Variants in ADGRL2 observed in about 807,000 individuals in gnomAD.
ADGRL2 encodes the protein calcium-independent alpha-latrotoxin receptor 2.
ADGRL2 carries 44 observed loss-of-function variants against 157.4 expected under a neutral mutation model. The observed-to-expected ratio is 0.28, with a 90% CI of 0.22 to 0.36. The LOEUF is 0.36. ADGRL2 is among the 10% of genes least tolerant of loss of function. ADGRL2 has a pLI of 1.00. For missense variants in ADGRL2, 1,510 were observed against 1,768.9 expected (o/e 0.85, Z 2.63); for synonymous variants, 585 against 624.7 (o/e 0.94, Z 0.95).
intron 1 of ADGRL2, chr1:81,426,845 G>A (rs549697501): frequency 1.8e-4 from 103 of 563,838 alleles, no homozygotes; most frequent in African/African-American, 1.6e-3. Context: ...AATTTCCTTG[G>A]TGGTATTAAA....
chr1:81,768,397 T>A (rs2086220487), intron 2 of ADGRL2, among the ~76,000 whole-genome samples: 1 of 152,166 alleles, frequency 6.6e-6, no homozygotes, highest in South Asian at 2.1e-4. Context: ...AAGTTTTAAT[T>A]TTCAATATTT....
In ADGRL2 at chr1:81,541,295, C is replaced by A. The variant is rs544008835; in HGVS notation, c.-247-39581C>A. ...TTCCTGTGCAAGAACCAGGATGCAA[C>A]CAATGTCCAAATGGACATTTCTTTC... is the stretch of plus-strand genomic sequence containing the variant. On this transcript the variant is annotated intron_variant, in intron 2 of 24. Coordinates refer to the ADGRL2 transcript ENST00000370721. Among the ~76,000 whole-genome samples, 236 of 152,280 alleles carry A rather than the reference C, an allele frequency of 1.5e-3. 1 individual carries two copies. The highest frequency in any genetic ancestry group is 5.3e-3 in the African/African-American group (222 of 41,570).
At chr1:81,958,831 C>T (rs926225752) in intron 11 of ADGRL2, among the ~76,000 whole-genome samples, 1 of 152,112 alleles carries the variant, frequency 6.6e-6, no homozygotes, top group African/African-American at 2.4e-5. Context: ...ATGTGCTTTT[C>T]GTCCATGTAG....
At chr1:81,671,993 C>A (rs1275453998) in intron 3 of ADGRL2, among the ~76,000 whole-genome samples, 1 of 152,196 alleles carries the variant, frequency 6.6e-6, no homozygotes, top group East Asian at 1.9e-4. Flanking sequence ...AAAATCATGT[C>A]AGCATTAGTT....
intron 2 of ADGRL2, among the ~76,000 whole-genome samples, chr1:81,465,433 G>C (rs556344443): frequency 6.6e-6 from 1 of 152,138 alleles, no homozygotes; most frequent in South Asian, 2.1e-4. Context: ...TTTTGGATCT[G>C]TTTGCTACAT....
intron 1 of ADGRL2, among the ~76,000 whole-genome samples, chr1:81,708,212 C>T (rs1004337614): frequency 3.3e-5 from 5 of 152,040 alleles, no homozygotes; most frequent in Admixed American, 6.6e-5. Flanking sequence ...TTGGTTTATC[C>T]GTCAAAGAAA....
chr1:81,952,552 A>G (rs374814272), intron 9 of ADGRL2, among the ~76,000 whole-genome samples: 1 of 152,274 alleles, frequency 6.6e-6, no homozygotes, highest in East Asian at 1.9e-4. Flanking sequence ...ATTTCTTTCA[A>G]TGGCAGCTTT....
intron 2 of ADGRL2, among the ~76,000 whole-genome samples, chr1:81,561,161 T>C (rs940695326): frequency 7.2e-5 from 11 of 152,008 alleles, no homozygotes; most frequent in Non-Finnish European, 1.0e-4. Flanking sequence ...CTCTTTCTTT[T>C]CTACTTGGCT....
intron 3 of ADGRL2, among the ~76,000 whole-genome samples, chr1:81,615,172 A>G (rs371774445): frequency 6.6e-6 from 1 of 152,266 alleles, no homozygotes; most frequent in African/African-American, 2.4e-5. Flanking sequence ...TAGCTAAAGG[A>G]TTGTAAATGC....
intron 1 of ADGRL2, among the ~76,000 whole-genome samples, chr1:81,432,900 A>G (rs2077347353): frequency 6.6e-6 from 1 of 152,304 alleles, no homozygotes; most frequent in East Asian, 1.9e-4. Context: ...TTGTGTATAC[A>G]GAGTTTCAAT....
intron 1 of ADGRL2, among the ~76,000 whole-genome samples, chr1:81,393,411 A>C (rs1253423999): frequency 1.3e-5 from 2 of 152,010 alleles, no homozygotes; most frequent in East Asian, 3.9e-4. Flanking sequence ...GGCATTCAAG[A>C]ACATTTATAA....
intron 1 of ADGRL2, among the ~76,000 whole-genome samples, chr1:81,833,122 A>G (rs1413898633): frequency 6.6e-6 from 1 of 152,232 alleles, no homozygotes; most frequent in South Asian, 2.1e-4. Context: ...TAATGATTAT[A>G]ATTTTATGAT....
At chr1:81,331,646 C>G (rs888356005) in intron 1 of ADGRL2, among the ~76,000 whole-genome samples, 1 of 152,056 alleles carries the variant, frequency 6.6e-6, no homozygotes, top group African/African-American at 2.4e-5. Context: ...TGTGCATTGC[C>G]TTTAAGGATT....
intron 2 of ADGRL2, among the ~76,000 whole-genome samples, chr1:81,766,957 T>C (rs954202513): frequency 3.9e-5 from 6 of 152,090 alleles, no homozygotes; most frequent in Non-Finnish European, 7.4e-5. Context: ...TGTACCCTTC[T>C]ACGGTTCTTT....
chr1:81,941,622 G>A (rs556769611), intron 4 of ADGRL2, among the ~76,000 whole-genome samples: 1 of 151,714 alleles, frequency 6.6e-6, no homozygotes, highest in South Asian at 2.1e-4. Flanking sequence ...AGATAAATGG[G>A]GATGATATAC....
At chr1:81,942,558 A>G (rs1461923424) in intron 5 of ADGRL2, among the ~76,000 whole-genome samples, 1 of 151,798 alleles carries the variant, frequency 6.6e-6, no homozygotes, top group African/African-American at 2.4e-5. Flanking sequence ...GCCTTATTTC[A>G]TGGTTTTGCT....
chr1:81,503,182 A>G, intron 2 of ADGRL2: 3 of 1,614,212 alleles, frequency 1.9e-6, no homozygotes, highest in Admixed American at 1.7e-5. Flanking sequence ...GCAGCTCCCC[A>G]TGAAGATCAG....
At chr1:81,348,915 A>G (rs1222907000) in intron 1 of ADGRL2, among the ~76,000 whole-genome samples, 1 of 152,192 alleles carries the variant, frequency 6.6e-6, no homozygotes, top group Admixed American at 6.5e-5. Flanking sequence ...GAGTAGCAAA[A>G]GCTATTATGC....
intron 3 of ADGRL2, among the ~76,000 whole-genome samples, chr1:81,927,415 T>C (rs1013900323): frequency 1.2e-4 from 18 of 151,992 alleles, no homozygotes; most frequent in African/African-American, 3.9e-4. Context: ...TTTCAAGGAT[T>C]TAATCACAGG....
Sources: gnomAD v4.1 joint callset for allele counts (sites outside exome capture counted in the v4.1 genomes callset) on GRCh38, gnomAD v4.1.1 for gene constraint, MANE v1.5 for transcripts, NCBI Gene and HGNC (gene_info 2026-07-23, HGNC 2026-07-21) for gene names.